Variants in EHMT1 observed in about 807,000 individuals in gnomAD.
EHMT1 encodes euchromatic histone lysine methyltransferase 1.
EHMT1 carries 15 observed loss-of-function variants against 147.2 expected under a neutral mutation model. The ratio of observed to expected loss-of-function variants is 0.10; its 90% CI spans 0.07 to 0.16. The LOEUF is 0.16. Ranked by LOEUF, EHMT1 falls within the 10% of genes least tolerant of loss-of-function variation. The probability of loss-of-function intolerance (pLI) is 1.00; values close to 1 mark genes in which losing one functional copy is unlikely to be tolerated. For synonymous variants in EHMT1, 795 were observed against 709.6 expected (o/e 1.12, Z -1.91); for missense variants, 1,587 against 1,772.4 (o/e 0.90, Z 1.88).
At chr9:137,757,738 T>C in intron 8 of EHMT1, 142 bp from the exon 9 acceptor site, 3 of 1,209,150 alleles carry the variant, frequency 2.5e-6, no homozygotes, top group South Asian at 2.5e-5. Flanking sequence ...GTCTAAACCA[T>C]AGTGGGTTTC....
intron 15 of EHMT1, chr9:137,788,353 C>A: frequency 2.9e-6 from 1 of 350,732 alleles, no homozygotes; most frequent in South Asian, 9.2e-5. Context: ...AAGGCTCCAC[C>A]CGCACCGCCT....
chr9:137,702,283 A>G (rs1168690784), intron 1 of EHMT1, among the ~76,000 whole-genome samples: 3 of 152,200 alleles, frequency 2.0e-5, no homozygotes, highest in Non-Finnish European at 2.9e-5. Flanking sequence ...CAAAAGTCCA[A>G]AGTCTTATCT....
At chr9:137,751,261 T>G (rs1427943652) in intron 6 of EHMT1, among the ~76,000 whole-genome samples, 1 of 152,238 alleles carries the variant, frequency 6.6e-6, no homozygotes, top group East Asian at 1.9e-4. Flanking sequence ...GATGGACACC[T>G]TTGACTTGTT....
In EHMT1 at chr9:137,779,737, C is replaced by A; in HGVS notation, c.2275+20C>A. ...TGCTGGGTAAGTGCCTTCCTGCGGC[C>A]CGGGCACATGCAGCCGGCCCTGTGG... On this transcript the variant is annotated intron_variant, in intron 14 of 26. Transcript: ENST00000460843. 6.2e-7 allele frequency: 1 copy of A among 1,612,688 alleles called. No individual in the cohort carries two copies. Among genetic ancestry groups the A allele is most frequent in the Non-Finnish European group, 8.5e-7 (1 of 1,179,838 alleles).
chr9:137,721,715 T>C (rs1426734397), intron 3 of EHMT1, among the ~76,000 whole-genome samples: 2 of 152,040 alleles, frequency 1.3e-5, no homozygotes, highest in East Asian at 3.9e-4. Context: ...TCATCTTTGG[T>C]GAAATGTCTT....
In EHMT1 at chr9:137,815,135, C is replaced by T. The variant is rs186762362; in HGVS notation, c.3258+627C>T. Among the ~76,000 whole-genome samples, 751 of 152,084 alleles carry T rather than the reference C, an allele frequency of 4.9e-3. 2 individuals carry two copies. The highest frequency in any genetic ancestry group is 8.7e-3 in the Non-Finnish European group (591 of 67,980). On this transcript the variant is annotated intron_variant, in intron 22 of 26. Transcript: ENST00000460843. ...AGCCAGCATGGCCTGGGTAAAGAGA[C>T]GCGAGCAGGGAGAGGCAACAGGCGT...
At chr9:137,797,614 C>A (rs1588763891) in intron 16 of EHMT1, among the ~76,000 whole-genome samples, 1 of 152,162 alleles carries the variant, frequency 6.6e-6, no homozygotes, top group African/African-American at 2.4e-5. Flanking sequence ...ATTTTGTATT[C>A]ATAATAAAAT....
At position 137,757,904 on chromosome 9, in the gene EHMT1, C is replaced by T. The variant is rs987954303; in HGVS notation, c.1394C>T (p.Ala465Val). The T allele has an allele frequency of 3.8e-5, 62 of 1,613,840 alleles. No individual in the cohort carries two copies. Among genetic ancestry groups the T allele is most frequent in the Non-Finnish European group, 4.7e-5 (56 of 1,180,018 alleles). Residue 465 changes from alanine (A) to valine (V), a missense_variant, in exon 9 of 27, where the codon GCA (alanine) becomes GTA (valine). Around this residue, in one of 7 missense-constraint regions of EHMT1, gnomAD observed 810 missense variants for 673.0 expected, o/e 1.20. Transcript: ENST00000460843. ...GGTTCTGAGTCGTATAAGTCATCTG[C>T]AGGAAGCGCTGAGCAGACGGCACCA... ...ALGSESYKSS[A>V]GSAEQTAPGD...
chr9:137,738,208 CAAAA>C (rs147418149), intron 4 of EHMT1, among the ~76,000 whole-genome samples: 1 of 139,590 alleles, frequency 7.2e-6, no homozygotes, highest in African/African-American at 2.7e-5. Flanking sequence ...AAAACAACAA[CAAAA>C]AAAAAACAAC....
intron 10 of EHMT1, among the ~76,000 whole-genome samples, chr9:137,770,114 G>A (rs1179612115): frequency 1.3e-5 from 2 of 152,182 alleles, no homozygotes; most frequent in African/African-American, 2.4e-5. Context: ...TGGGATTACA[G>A]GTGTGAGTCA....
intron 10 of EHMT1, among the ~76,000 whole-genome samples, chr9:137,774,179 G>A (rs1950774325): frequency 6.6e-6 from 1 of 152,202 alleles, no homozygotes; most frequent in South Asian, 2.1e-4. Context: ...GGACTGTCCT[G>A]CCAGGTATAC....
Position 137,782,501 on chromosome 9 carries a change from G to A in EHMT1, c.2382+104G>A, listed in dbSNP as rs549606133. On this transcript the variant is annotated intron_variant, in intron 15 of 26. Coordinates refer to ENST00000460843, the MANE Select transcript of EHMT1 (RefSeq NM_024757.5). The surrounding 1 kb of genome is among the most constrained non-coding windows in gnomAD (Gnocchi z 5.7). The stretch of plus-strand genomic sequence containing the variant: ...GCGGTTCTTCCAGTGTAAGAGTTCC[G>A]TAGTGCTGTGAATCGGGCACAGAGT... 53 of 1,087,726 alleles carry A rather than the reference G, an allele frequency of 4.9e-5. No homozygotes were observed. The highest frequency in any genetic ancestry group is 7.9e-5 in the East Asian group (3 of 38,212). The allele number at this position is 1,087,726 out of a possible 1,614,324, so 67.4% of individuals were successfully genotyped here.
chr9:137,773,825 G>T (rs1045194728), intron 10 of EHMT1, among the ~76,000 whole-genome samples: 1 of 152,156 alleles, frequency 6.6e-6, no homozygotes, highest in South Asian at 2.1e-4. Flanking sequence ...GGCATTTGTA[G>T]TTCTTCTTTA....
At chr9:137,714,114 C>T (rs866105143) in intron 2 of EHMT1, among the ~76,000 whole-genome samples, 1 of 152,092 alleles carries the variant, frequency 6.6e-6, no homozygotes, top group South Asian at 2.1e-4. Context: ...CCATTCCAAT[C>T]TGCATTCTTT....
At chr9:137,655,003 CTT>C (rs959355467) in intron 1 of EHMT1, among the ~76,000 whole-genome samples, 2 of 146,164 alleles carry the variant, frequency 1.4e-5, no homozygotes, top group Non-Finnish European at 3.0e-5. Flanking sequence ...CCTTTCTTTT[CTT>C]TTTTTTTTTC....
intron 1 of EHMT1, among the ~76,000 whole-genome samples, chr9:137,671,815 ACTGTGCCT>A (rs1175922182): frequency 3.9e-5 from 6 of 152,218 alleles, no homozygotes; most frequent in African/African-American, 1.2e-4. Context: ...GGCATCAGCC[ACTGTGCCT>A]GGGCCTGAAT....
At chr9:137,663,827 A>G (rs1001437192) in intron 1 of EHMT1, among the ~76,000 whole-genome samples, 1 of 152,158 alleles carries the variant, frequency 6.6e-6, no homozygotes, top group Non-Finnish European at 1.5e-5. Context: ...ACCTGGAGAG[A>G]AGGTGGAATG....
chr9:137,719,727 A>G (rs1945741980), intron 3 of EHMT1, among the ~76,000 whole-genome samples: 1 of 152,194 alleles, frequency 6.6e-6, no homozygotes, highest in Non-Finnish European at 1.5e-5. Context: ...ACTCAGTTTC[A>G]CCATCACCTG....
At chr9:137,803,082 C>G in intron 18 of EHMT1, 1 of 1,230,116 alleles carries the variant, frequency 8.1e-7, no homozygotes, top group Non-Finnish European at 1.0e-6. Context: ...GCTGGTCGGC[C>G]TGCATGCCTG....
Sources: gnomAD v4.1 joint callset for allele counts (sites outside exome capture counted in the v4.1 genomes callset) on GRCh38, gnomAD v4.1.1 for gene constraint, gnomAD v4.1.1 regional missense constraint, Gnocchi (gnomAD v3.1) non-coding constraint, MANE v1.5 for transcripts, NCBI Gene and HGNC (gene_info 2026-07-23, HGNC 2026-07-21) for gene names.